ARG1: variants seen among roughly 807,000 people sequenced by gnomAD.
ARG1 encodes arginase 1, also known as arginase-1.
In ARG1, 20 loss-of-function variants were observed where a neutral mutation model predicts 33.0. The ratio of observed to expected loss-of-function variants is 0.61; its 90% CI spans 0.43 to 0.88. The LOEUF (loss-of-function observed/expected upper bound fraction) is 0.88. Ranked by LOEUF, ARG1 falls within the 40% of genes least tolerant of loss-of-function variation. ARG1 has a pLI of 0.00. For synonymous variants in ARG1, 146 were observed against 140.6 expected, an observed-to-expected ratio of 1.04 and a Z score of -0.27; for missense variants, 374 against 384.7, an observed-to-expected ratio of 0.97 and a Z score of 0.23.
intron 1 of ARG1, among the ~76,000 whole-genome samples, chr6:131,575,211 A>G (rs1185757066): frequency 6.6e-6 from 1 of 152,182 alleles, no homozygotes; most frequent in African/African-American, 2.4e-5. Flanking sequence ...TAAAATATGA[A>G]AGGGAGAAGG....
intron 1 of ARG1, among the ~76,000 whole-genome samples, chr6:131,574,829 A>G (rs1434883040): frequency 2.6e-5 from 4 of 152,196 alleles, no homozygotes; most frequent in African/African-American, 9.7e-5. Context: ...TATTATTTTT[A>G]CCTTACAGTT....
In ARG1 at chr6:131,576,625, T is replaced by C. The variant is rs913418921; in HGVS notation, c.58-38T>C. Reference sequence around the variant, plus strand: ...TCCTGCTGTGAGCATCTGATGGTCATGATAATGTCTGAAGTACTTTATTTT... The same window carrying C: ...TCCTGCTGTGAGCATCTGATGGTCACGATAATGTCTGAAGTACTTTATTTT... On this transcript the variant is annotated intron_variant, in intron 1 of 7. Transcript: ENST00000368087. 3.8e-6 allele frequency: 6 copies of C among 1,568,530 alleles called. No homozygotes were observed. In the African/African-American group the frequency reaches 5.4e-5, roughly 14 times the overall value.
intron 2 of ARG1, 74 bp downstream of exon 2, chr6:131,576,809 C>T (rs141471733): frequency 7.6e-7 from 1 of 1,307,382 alleles, no homozygotes; most frequent in East Asian, 2.4e-5. Flanking sequence ...CCCTGTGAAC[C>T]TGGAGTGTGT....
intron 2 of ARG1, among the ~76,000 whole-genome samples, chr6:131,577,404 A>G (rs1773670989): frequency 6.6e-6 from 1 of 152,188 alleles, no homozygotes. Flanking sequence ...CTGGGTGCAG[A>G]GAAGTACAAC....
chr6:131,580,563 T>C (rs533761321), intron 3 of ARG1, among the ~76,000 whole-genome samples: 1 of 152,340 alleles, frequency 6.6e-6, no homozygotes, highest in South Asian at 2.1e-4. Context: ...AACTTTTAAC[T>C]TCTGTGCAAG....
chr6:131,578,988 T>C (rs997503148), intron 2 of ARG1, 123 bp from the exon 3 acceptor site: 8 of 1,140,584 alleles, frequency 7.0e-6, no homozygotes, highest in Non-Finnish European at 8.7e-6. Flanking sequence ...TTACAGACCT[T>C]TCAGGTTTTT....
intron 1 of ARG1, among the ~76,000 whole-genome samples, chr6:131,573,572 A>T (rs890405423): frequency 1.3e-5 from 2 of 152,126 alleles, no homozygotes; most frequent in Admixed American, 6.5e-5. Context: ...GAACCTACAG[A>T]ATGTTTTCTC....
At chr6:131,582,489 T>C (rs1296193003) in intron 4 of ARG1, 132 bp from the exon 5 acceptor site, 2 of 755,318 alleles carry the variant, frequency 2.6e-6, no homozygotes, top group Non-Finnish European at 4.4e-6. Flanking sequence ...TTGTGTATTA[T>C]TTTTACATGA....
At position 131,584,281 on chromosome 6, in the gene ARG1, A is replaced by C. The variant is rs1381580463; in HGVS notation, c.*373A>C. 4.7e-6 allele frequency: 1 copy of C among 211,994 alleles called. No homozygotes were observed. The highest frequency in any genetic ancestry group is 5.4e-5 in the Admixed American group (1 of 18,626). 13.1% of individuals were successfully genotyped at this position (211,994 alleles called of 1,614,324 possible). A position where few individuals can be genotyped will look rare whatever the true frequency, so the allele number is the denominator to read the frequency against. ...ACATGTGGAAAGGTACTATGTGTCC[A>C]TGTCATTCAAAAAATGTGATTTTTT... is the stretch of plus-strand genomic sequence containing the variant. On this transcript the variant is annotated 3_prime_UTR_variant, in exon 8 of 8. Transcript: ENST00000368087.
intron 1 of ARG1, among the ~76,000 whole-genome samples, chr6:131,574,858 G>T (rs946544107): frequency 6.6e-6 from 1 of 152,174 alleles, no homozygotes; most frequent in Non-Finnish European, 1.5e-5. Context: ...AAAAAGCCCA[G>T]AGAGGTTTGG....
chr6:131,575,619 C>A (rs1271443593), intron 1 of ARG1, among the ~76,000 whole-genome samples: 1 of 152,178 alleles, frequency 6.6e-6, no homozygotes, highest in East Asian at 1.9e-4. Context: ...ATGCCACAGC[C>A]CCAATCCTAA....
chr6:131,577,775 T>C (rs2114523578), intron 2 of ARG1, among the ~76,000 whole-genome samples: 1 of 151,594 alleles, frequency 6.6e-6, no homozygotes, highest in East Asian at 1.9e-4. Context: ...CGTGGTGGCA[T>C]GAGCCTGTAG....
At chr6:131,582,497 T>C (rs972480854) in intron 4 of ARG1, 124 bp from the exon 5 acceptor site, 1 of 766,994 alleles carries the variant, frequency 1.3e-6, no homozygotes, top group Non-Finnish European at 2.2e-6. Flanking sequence ...TATTTTTACA[T>C]GATTTCTTCT....
At chr6:131,582,950 T>C in intron 5 of ARG1, 110 bp from the exon 6 acceptor site, 1 of 860,812 alleles carries the variant, frequency 1.2e-6, no homozygotes, top group Non-Finnish European at 1.8e-6. Context: ...GTTAGGTTCA[T>C]AGAACCTAAA....
At position 131,581,324 on chromosome 6, in the gene ARG1, T is replaced by C. The variant is rs759282838; in HGVS notation, c.411T>C (p.Ser137=). ...TCAACACTCCACTGACAACCACAAG[T>C]GGAAACTTGCATGGACAACCTGTAT... ...TDINTPLTTT[S]GNLHGQPVSF... is the part of the protein sequence containing the mutation. Residue 137 remains serine, a synonymous_variant, in exon 4 of 8, where the codon AGT becomes AGC. Coordinates refer to ENST00000368087, the MANE Select transcript of ARG1 (RefSeq NM_000045.4). 3.1e-6 allele frequency: 5 copies of C among 1,613,734 alleles called. No individual in the cohort carries two copies. The Admixed American group carries it at 5.0e-5, about 16-fold the overall frequency.
intron 2 of ARG1, among the ~76,000 whole-genome samples, chr6:131,577,830 G>A (rs572168472): frequency 1.2e-4 from 18 of 151,312 alleles, no homozygotes; most frequent in African/African-American, 4.1e-4. Flanking sequence ...GCTTGAACCC[G>A]GAGGCAGAGG....
intron 1 of ARG1, among the ~76,000 whole-genome samples, chr6:131,575,180 A>G (rs1305128662): frequency 6.6e-6 from 1 of 152,210 alleles, no homozygotes; most frequent in Non-Finnish European, 1.5e-5. Context: ...GTGTCAACTA[A>G]GGGGTCTATG....
chr6:131,583,095 C>A lies in ARG1; in HGVS notation c.596C>A (p.Ser199Ter), dbSNP rs1774020295. ...ILKTLGIKYF[S>*]MTEVDRLGIG... ...AAAACTCTAGGCATTAAATACTTTT[C>A]AATGACTGAAGTGGACAGACTAGGA... is the stretch of plus-strand genomic sequence containing the variant. The change falls in exon 6 of 8, where the codon TCA becomes TAA. Residue 199 changes from serine to a stop codon, truncating the protein, a stop_gained. Transcript: ENST00000368087. LOFTEE classifies it high-confidence loss of function. 1.2e-6 allele frequency: 2 copies of A among 1,613,638 alleles called. No homozygotes were observed. The highest frequency in any genetic ancestry group is 3.3e-5 in the Admixed American group (2 of 59,984).
At chr6:131,576,785 A>C (rs1171558464) in intron 2 of ARG1, 50 bp downstream of exon 2, 2 of 1,492,576 alleles carry the variant, frequency 1.3e-6, no homozygotes, top group Non-Finnish European at 1.9e-6. Flanking sequence ...CCCACTCTGA[A>C]GGAAAGAGCA....
Sources: gnomAD v4.1 joint callset for allele counts (sites outside exome capture counted in the v4.1 genomes callset) on GRCh38, gnomAD v4.1.1 for gene constraint, MANE v1.5 for transcripts, NCBI Gene and HGNC (gene_info 2026-07-23, HGNC 2026-07-21) for gene names.